The following CHN2 variants were observed in gnomAD, a reference collection of about 807,000 sequenced individuals.
The protein encoded by CHN2 is beta-chimaerin.
In CHN2, 35 loss-of-function variants were observed where a neutral mutation model predicts 56.3. That is an observed-to-expected ratio of 0.62 (90% confidence interval 0.47 to 0.82). CHN2 has a LOEUF of 0.82. Ranked by LOEUF, CHN2 falls within the 40% of genes least tolerant of loss-of-function variation. The pLI, the probability that CHN2 is intolerant of heterozygous loss-of-function variation, is 0.00. For synonymous variants in CHN2, 210 were observed against 212.8 expected, an observed-to-expected ratio of 0.99 and a Z score of 0.12; for missense variants, 491 against 580.5, an observed-to-expected ratio of 0.85 and a Z score of 1.58.
At chr7:29,286,110 G>A (rs1010048309) in intron 1 of CHN2, among the ~76,000 whole-genome samples, 2 of 152,040 alleles carry the variant, frequency 1.3e-5, no homozygotes, top group African/African-American at 4.8e-5. Context: ...ACATGTAGGA[G>A]CCTCTTTTCG....
chr7:29,439,347 G>A (rs184130738), intron 6 of CHN2, among the ~76,000 whole-genome samples: 12 of 152,294 alleles, frequency 7.9e-5, no homozygotes, highest in African/African-American at 2.6e-4. Flanking sequence ...CAACCATTCA[G>A]TAAAATTGTT....
chr7:29,388,526 T>G (rs778568042), intron 3 of CHN2, among the ~76,000 whole-genome samples: 1 of 152,190 alleles, frequency 6.6e-6, no homozygotes, highest in Non-Finnish European at 1.5e-5. Flanking sequence ...AGACAGGTAC[T>G]TTTATTATCA....
At chr7:29,482,439 T>C (rs1787358905) in intron 7 of CHN2, among the ~76,000 whole-genome samples, 1 of 152,104 alleles carries the variant, frequency 6.6e-6, no homozygotes, top group Admixed American at 6.5e-5. Context: ...CAACTAACTC[T>C]AGGTGGAAAC....
chr7:29,227,963 A>G (rs193141829), intron 1 of CHN2, among the ~76,000 whole-genome samples: 1 of 152,210 alleles, frequency 6.6e-6, no homozygotes, highest in African/African-American at 2.4e-5. Context: ...TCATTCATGG[A>G]TGCTGGCATC....
At chr7:29,464,675 T>C (rs1370767146) in intron 6 of CHN2, among the ~76,000 whole-genome samples, 1 of 152,242 alleles carries the variant, frequency 6.6e-6, no homozygotes, top group African/African-American at 2.4e-5. Context: ...CTACTCATGA[T>C]ACACCCAGGT....
intron 9 of CHN2, 76 bp downstream of exon 9, chr7:29,500,116 C>T: frequency 8.5e-7 from 1 of 1,173,434 alleles, no homozygotes; most frequent in Non-Finnish European, 1.2e-6. Context: ...GTCAAGGAAA[C>T]AGAGTTGCTC....
chr7:29,196,776 G>T (rs1465247994), intron 1 of CHN2, among the ~76,000 whole-genome samples: 1 of 152,218 alleles, frequency 6.6e-6, no homozygotes, highest in Non-Finnish European at 1.5e-5. Flanking sequence ...GAATACGTTG[G>T]TTTGAAACAA....
chr7:29,255,274 A>T (rs1031173742), intron 1 of CHN2, among the ~76,000 whole-genome samples: 2 of 152,184 alleles, frequency 1.3e-5, no homozygotes, highest in Non-Finnish European at 2.9e-5. Flanking sequence ...GCTCCAGGGA[A>T]GGCCATCGAG....
chr7:29,406,402 G>T (rs1007337520), intron 6 of CHN2, among the ~76,000 whole-genome samples: 1 of 152,128 alleles, frequency 6.6e-6, no homozygotes, highest in African/African-American at 2.4e-5. Flanking sequence ...TCCCCTCTTG[G>T]TTGAGGGGTA....
intron 1 of CHN2, among the ~76,000 whole-genome samples, chr7:29,299,068 C>G (rs180874903): frequency 4.5e-4 from 69 of 152,258 alleles, no homozygotes; most frequent in African/African-American, 1.6e-3. Flanking sequence ...CTCCGCAGAG[C>G]GAGAGTCCTG....
intron 8 of CHN2, among the ~76,000 whole-genome samples, chr7:29,496,845 C>G (rs933160542): frequency 6.6e-6 from 1 of 152,124 alleles, no homozygotes. Flanking sequence ...TTCTGGCAAA[C>G]ACTTGTGGCT....
chr7:29,514,225 T>A lies in CHN2; in HGVS notation c.*1490T>A, dbSNP rs1435202438. On this transcript the variant is annotated 3_prime_UTR_variant, in exon 13 of 13. Transcript: ENST00000222792. The stretch of plus-strand genomic sequence containing the variant: ...GTACTTCTTGATACTGTCAAAAAAT[T>A]ATCTGGAAATGGTTTTATTTTGTGA... 1 of 152,650 alleles carries A rather than the reference T, an allele frequency of 6.6e-6. No homozygotes were observed. Among genetic ancestry groups the A allele is most frequent in the African/African-American group, 2.4e-5 (1 of 41,460 alleles). The allele number at this position is 152,650 out of a possible 1,614,324, so 9.5% of individuals were successfully genotyped here. A position where few individuals can be genotyped will look rare whatever the true frequency, so the allele number is the denominator to read the frequency against.
chr7:29,297,669 C>T (rs1438780826), intron 1 of CHN2, among the ~76,000 whole-genome samples: 1 of 152,048 alleles, frequency 6.6e-6, no homozygotes, highest in Non-Finnish European at 1.5e-5. Context: ...GGTACAAAAA[C>T]GTTACCCTTT....
At chr7:29,207,732 G>A (rs964995166) in intron 1 of CHN2, among the ~76,000 whole-genome samples, 4 of 152,146 alleles carry the variant, frequency 2.6e-5, no homozygotes, top group Non-Finnish European at 5.9e-5. Flanking sequence ...ATGGATGCTT[G>A]TACAGACGTT....
At chr7:29,379,811 A>G (rs1249824224) in intron 3 of CHN2, among the ~76,000 whole-genome samples, 1 of 152,236 alleles carries the variant, frequency 6.6e-6, no homozygotes, top group African/African-American at 2.4e-5. Flanking sequence ...GCCATGCTCA[A>G]GAATTTTTAA....
At chr7:29,458,188 A>C (rs957164906) in intron 6 of CHN2, among the ~76,000 whole-genome samples, 2 of 152,198 alleles carry the variant, frequency 1.3e-5, no homozygotes, top group African/African-American at 4.8e-5. Context: ...CTGTTTTCAT[A>C]GGTGTGGTTA....
intron 1 of CHN2, among the ~76,000 whole-genome samples, chr7:29,196,426 G>A (rs1783721336): frequency 6.6e-6 from 1 of 152,186 alleles, no homozygotes; most frequent in African/African-American, 2.4e-5. Flanking sequence ...CAAGTTGACC[G>A]CCGTGGTTTT....
In CHN2 at chr7:29,437,341, G is replaced by C. The variant is rs1016448006; in HGVS notation, c.576+36513G>C. ...CGGCTGGGCGCGGTGGCTCACGCCT[G>C]TAATCCCAGCACTTTGGGAGGCCGA... On this transcript the variant is annotated intron_variant, in intron 6 of 12. Transcript: ENST00000222792. Among the ~76,000 whole-genome samples, 3 of 84,712 alleles carry C rather than the reference G, an allele frequency of 3.5e-5. 1 individual carries two copies. In the South Asian group the frequency reaches 8.9e-4, roughly 25 times the overall value. The allele number at this position is 84,712 out of a possible 152,430, so 55.6% of individuals were successfully genotyped here. A position where few individuals can be genotyped will look rare whatever the true frequency, so the allele number is the denominator to read the frequency against.
At chr7:29,245,039 T>C (rs1264673139) in intron 1 of CHN2, among the ~76,000 whole-genome samples, 2 of 152,206 alleles carry the variant, frequency 1.3e-5, no homozygotes, top group Admixed American at 1.3e-4. Context: ...GCCACACACT[T>C]TCCTGTATCG....
Sources: gnomAD v4.1 joint callset for allele counts (sites outside exome capture counted in the v4.1 genomes callset) on GRCh38, gnomAD v4.1.1 for gene constraint, MANE v1.5 for transcripts, NCBI Gene and HGNC (gene_info 2026-07-23, HGNC 2026-07-21) for gene names.